KAZN: variants seen among roughly 807,000 people sequenced by gnomAD.
KAZN encodes the protein kazrin.
KAZN carries 40 observed loss-of-function variants against 87.4 expected under a neutral mutation model. The observed-to-expected ratio is 0.46, with a 90% CI of 0.36 to 0.60. The LOEUF (loss-of-function observed/expected upper bound fraction) is 0.60. Among genes scored for constraint, KAZN ranks in the 20% least tolerant of loss-of-function variants. KAZN has a pLI of 0.00. For synonymous variants in KAZN, 466 were observed against 458.3 expected, an observed-to-expected ratio of 1.02 and a Z score of -0.22; for missense variants, 898 against 1,073.9, an observed-to-expected ratio of 0.84 and a Z score of 2.29.
intron 8 of KAZN, among the ~76,000 whole-genome samples, chr1:15,073,703 A>G (rs972716824): frequency 6.6e-5 from 10 of 152,208 alleles, no homozygotes; most frequent in Admixed American, 3.9e-4. Context: ...AAGTGGCAGA[A>G]GCAGGAGTCA....
chr1:14,105,606 A>G (rs555908875), intron 1 of KAZN, among the ~76,000 whole-genome samples: 64 of 152,304 alleles, frequency 4.2e-4, no homozygotes, highest in African/African-American at 1.1e-3. Flanking sequence ...AAGTGACCAA[A>G]TGAAACACAC....
intron 2 of KAZN, among the ~76,000 whole-genome samples, chr1:14,410,927 C>A (rs900768539): frequency 6.6e-6 from 1 of 152,196 alleles, no homozygotes; most frequent in Non-Finnish European, 1.5e-5. Context: ...GGACTTCTGG[C>A]CTCCAGAACT....
Position 15,103,407 on chromosome 1 carries a change from G to T in KAZN, c.1828G>T (p.Val610Leu). The T allele has an allele frequency of 6.4e-7, 1 of 1,552,498 alleles. No homozygotes were observed. Among genetic ancestry groups the T allele is most frequent in the Non-Finnish European group, 8.7e-7 (1 of 1,147,472 alleles). The change falls in exon 12 of 15, where the codon GTG becomes TTG. Residue 610 changes from valine to leucine, a missense_variant. Around this residue, in one of 3 missense-constraint regions of KAZN, gnomAD observed 521 missense variants for 689.4 expected, o/e 0.76. Coordinates refer to ENST00000376030, the MANE Select transcript of KAZN (RefSeq NM_201628.3). ...ARCETQNIDPVVWTNQRVLKW... is the reference protein window; with the variant it reads ...ARCETQNIDPLVWTNQRVLKW... ...CTGCGAGACGCAGAACATTGACCCC[G>T]TGGTGTGGACCAACCAGCGGGTGCT...
intron 2 of KAZN, among the ~76,000 whole-genome samples, chr1:14,365,376 G>GA (rs1557665739): frequency 6.7e-6 from 1 of 149,396 alleles, no homozygotes; most frequent in Non-Finnish European, 1.5e-5. Flanking sequence ...GGTGGGGGGG[G>GA]GGGGGGTCTT....
At chr1:13,991,673 C>G (rs12074262) in intron 1 of KAZN, among the ~76,000 whole-genome samples, 4 of 152,008 alleles carry the variant, frequency 2.6e-5, no homozygotes, top group Non-Finnish European at 5.9e-5. Context: ...AATTCTGGAA[C>G]AAGTAATAAT....
At chr1:15,051,100 G>A (rs1036989185) in intron 4 of KAZN, among the ~76,000 whole-genome samples, 2 of 152,254 alleles carry the variant, frequency 1.3e-5, no homozygotes, top group Non-Finnish European at 2.9e-5. Flanking sequence ...CCAGCCTTCC[G>A]ATGTCTGCTC....
chr1:14,943,424 A>C (rs1185041240), intron 1 of KAZN, among the ~76,000 whole-genome samples: 1 of 152,186 alleles, frequency 6.6e-6, no homozygotes, highest in Non-Finnish European at 1.5e-5. Context: ...CTGAGGATTT[A>C]CATCAGAGAT....
chr1:14,126,307 G>A (rs940475664), intron 1 of KAZN, among the ~76,000 whole-genome samples: 4 of 152,028 alleles, frequency 2.6e-5, no homozygotes, highest in African/African-American at 9.7e-5. Flanking sequence ...ACAGGAAAAG[G>A]CCTCGCATCT....
chr1:14,821,603 G>A (rs1646740037), intron 1 of KAZN, among the ~76,000 whole-genome samples: 1 of 152,030 alleles, frequency 6.6e-6, no homozygotes, highest in Non-Finnish European at 1.5e-5. Context: ...TAAGAGGAGG[G>A]GATTCGGACA....
chr1:14,419,875 A>G (rs1184112300), intron 2 of KAZN, among the ~76,000 whole-genome samples: 1 of 152,116 alleles, frequency 6.6e-6, no homozygotes, highest in East Asian at 1.9e-4. Context: ...CAGCTCGCAC[A>G]GACAGTGAGA....
intron 1 of KAZN, among the ~76,000 whole-genome samples, chr1:13,976,726 G>A (rs1638377054): frequency 1.3e-5 from 2 of 151,328 alleles, no homozygotes; most frequent in African/African-American, 4.8e-5. Context: ...TTTAAGAACA[G>A]GCACTTAAAA....
intron 2 of KAZN, among the ~76,000 whole-genome samples, chr1:14,284,907 A>G (rs775116431): frequency 6.6e-6 from 1 of 152,230 alleles, no homozygotes; most frequent in Non-Finnish European, 1.5e-5. Context: ...AATCTTCCCT[A>G]CAGCCCAAAA....
At chr1:14,430,121 GT>G (rs1382134559) in intron 2 of KAZN, among the ~76,000 whole-genome samples, 1 of 150,422 alleles carries the variant, frequency 6.6e-6, no homozygotes, top group Non-Finnish European at 1.5e-5. Context: ...CTTCAAGAAT[GT>G]GCTCAAATGT....
At chr1:14,280,468 C>CA (rs778633220) in intron 2 of KAZN, among the ~76,000 whole-genome samples, 249 of 150,284 alleles carry the variant, frequency 1.7e-3, no homozygotes, top group Non-Finnish European at 3.1e-3. Flanking sequence ...ACTGTGGACT[C>CA]AGACAGGCAC....
chr1:14,357,671 T>C (rs913515847), intron 2 of KAZN, among the ~76,000 whole-genome samples: 7 of 152,178 alleles, frequency 4.6e-5, no homozygotes, highest in African/African-American at 1.7e-4. Context: ...TCTGCATCTA[T>C]TGAGATAATC....
intron 1 of KAZN, among the ~76,000 whole-genome samples, chr1:14,758,908 G>GAAA (rs34433134): frequency 1.4e-5 from 2 of 147,594 alleles, no homozygotes; most frequent in Non-Finnish European, 1.5e-5. Flanking sequence ...TTTGAATCCA[G>GAAA]AAAAAAAAAA....
intron 2 of KAZN, among the ~76,000 whole-genome samples, chr1:14,578,083 T>C (rs192252136): frequency 8.6e-4 from 131 of 152,266 alleles, no homozygotes; most frequent in Non-Finnish European, 1.4e-3. Flanking sequence ...TGTCAGGATA[T>C]TCAATGAGCT....
At chr1:14,398,921 C>T (rs1332303735) in intron 2 of KAZN, among the ~76,000 whole-genome samples, 1 of 152,148 alleles carries the variant, frequency 6.6e-6, no homozygotes, top group Admixed American at 6.5e-5. Context: ...GGTTTTCTTT[C>T]TGGAAGTGTT....
At chr1:14,817,886 G>C (rs556270332) in intron 1 of KAZN, among the ~76,000 whole-genome samples, 2 of 152,158 alleles carry the variant, frequency 1.3e-5, no homozygotes, top group Non-Finnish European at 2.9e-5. Context: ...AAGATAATAG[G>C]GTTTAGAGCA....
Sources: allele counts gnomAD v4.1 joint callset (sites outside exome capture counted in the v4.1 genomes callset), GRCh38; gene constraint gnomAD v4.1.1; regional missense constraint gnomAD v4.1.1; transcripts MANE v1.5; gene names NCBI Gene and HGNC (gene_info 2026-07-23, HGNC 2026-07-21).